ZNF804A: variants seen among roughly 807,000 people sequenced by gnomAD.
The protein encoded by ZNF804A is zinc finger protein 804A.
ZNF804A carries 2 observed loss-of-function variants against 16.5 expected under a neutral mutation model. That is an observed-to-expected ratio of 0.12 (90% CI 0.05 to 0.38). The LOEUF is 0.38. Ranked by LOEUF, ZNF804A falls within the 10% of genes least tolerant of loss-of-function variation. ZNF804A has a pLI of 0.99. For missense variants in ZNF804A, 1,473 were observed against 1,390.7 expected (o/e 1.06, Z -0.94); for synonymous variants, 534 against 489.6 (o/e 1.09, Z -1.20).
chr2:184,803,338 A>G (rs1694753568), intron 1 of ZNF804A, among the ~76,000 whole-genome samples: 1 of 152,116 alleles, frequency 6.6e-6, no homozygotes, highest in Non-Finnish European at 1.5e-5. Context: ...TATAATTGCA[A>G]CACCCATCAT....
chr2:184,933,234 C>T (rs888342847), intron 2 of ZNF804A, among the ~76,000 whole-genome samples: 1 of 151,776 alleles, frequency 6.6e-6, no homozygotes, highest in Non-Finnish European at 1.5e-5. Context: ...TTATATATAA[C>T]AGAAATACAT....
intron 2 of ZNF804A, among the ~76,000 whole-genome samples, chr2:184,883,601 C>T (rs1050585341): frequency 2.0e-5 from 3 of 151,974 alleles, no homozygotes; most frequent in Non-Finnish European, 4.4e-5. Context: ...GCTAATCCAC[C>T]ACAATCAATT....
intron 1 of ZNF804A, among the ~76,000 whole-genome samples, chr2:184,672,890 C>A (rs180820997): frequency 6.6e-6 from 1 of 151,944 alleles, no homozygotes; most frequent in Admixed American, 6.6e-5. Flanking sequence ...TACAGGCATC[C>A]GCCACCACGC....
intron 1 of ZNF804A, among the ~76,000 whole-genome samples, chr2:184,799,075 G>A (rs1268237893): frequency 6.6e-6 from 1 of 152,070 alleles, no homozygotes; most frequent in Non-Finnish European, 1.5e-5. Context: ...GATATGAATC[G>A]TCTGTAGGTC....
intron 1 of ZNF804A, among the ~76,000 whole-genome samples, chr2:184,846,646 G>A (rs1310644973): frequency 6.6e-6 from 1 of 152,004 alleles, no homozygotes; most frequent in Non-Finnish European, 1.5e-5. Context: ...AGACTGCAGG[G>A]TGATGTTAAG....
At chr2:184,723,232 G>T (rs1366238055) in intron 1 of ZNF804A, among the ~76,000 whole-genome samples, 1 of 151,748 alleles carries the variant, frequency 6.6e-6, no homozygotes, top group African/African-American at 2.4e-5. Flanking sequence ...TTCAAGTAGA[G>T]AAAGGTTTAT....
chr2:184,937,995 A>G lies in ZNF804A; in HGVS notation c.2599A>G (p.Arg867Gly). 1 of 1,614,130 alleles carries G rather than the reference A, an allele frequency of 6.2e-7. No homozygotes were observed. Among genetic ancestry groups the G allele is most frequent in the Non-Finnish European group, 8.5e-7 (1 of 1,180,024 alleles). Residue 867 changes from arginine to glycine, a missense_variant, in exon 4 of 4, where the codon AGG becomes GGG. Transcript: ENST00000302277. ...MKPQEVAKIE[R>G]NSEQTNQLRN... ...ACCACAAGAAGTTGCAAAAATCGAA[A>G]GGAACTCAGAACAAACAAACCAATT...
At chr2:184,655,551 A>T (rs745968288) in intron 1 of ZNF804A, among the ~76,000 whole-genome samples, 7 of 152,276 alleles carry the variant, frequency 4.6e-5, no homozygotes, top group Non-Finnish European at 7.4e-5. Flanking sequence ...TAGATTATAA[A>T]ATTGGTCCTT....
At chr2:184,789,840 C>CT (rs1053902997) in intron 1 of ZNF804A, among the ~76,000 whole-genome samples, 8 of 151,666 alleles carry the variant, frequency 5.3e-5, no homozygotes, top group Admixed American at 3.9e-4. Flanking sequence ...CTGCTCTGAC[C>CT]TTTTTTTATT....
intron 1 of ZNF804A, among the ~76,000 whole-genome samples, chr2:184,670,882 C>G (rs1692330271): frequency 6.6e-6 from 1 of 152,066 alleles, no homozygotes; most frequent in Admixed American, 6.6e-5. Context: ...TTTGCCCTCT[C>G]TCTTCCCAGC....
At chr2:184,600,029 G>T (rs1015087625) in intron 1 of ZNF804A, among the ~76,000 whole-genome samples, 1 of 152,174 alleles carries the variant, frequency 6.6e-6, no homozygotes, top group East Asian at 1.9e-4. Context: ...GTGGCAATAT[G>T]AAAATGTATG....
At chr2:184,923,458 G>GT (rs1281534249) in intron 2 of ZNF804A, among the ~76,000 whole-genome samples, 2 of 151,506 alleles carry the variant, frequency 1.3e-5, no homozygotes, top group African/African-American at 4.9e-5. Flanking sequence ...GGCATCTTTA[G>GT]TTTTTTCCAG....
intron 1 of ZNF804A, among the ~76,000 whole-genome samples, chr2:184,679,549 C>T (rs1692502772): frequency 6.6e-6 from 1 of 152,198 alleles, no homozygotes; most frequent in Admixed American, 6.5e-5. Context: ...AAACCTCTGC[C>T]TCCACAGGCT....
chr2:184,931,307 G>C (rs1376188419), intron 2 of ZNF804A, among the ~76,000 whole-genome samples: 1 of 152,226 alleles, frequency 6.6e-6, no homozygotes, highest in Non-Finnish European at 1.5e-5. Context: ...CACGGCCCTA[G>C]CAGAGGTTCT....
chr2:184,622,533 C>A (rs1052610685), intron 1 of ZNF804A, among the ~76,000 whole-genome samples: 1 of 151,742 alleles, frequency 6.6e-6, no homozygotes, highest in African/African-American at 2.4e-5. Flanking sequence ...AAATTGCCTA[C>A]CACCTTCAAT....
In ZNF804A at chr2:184,879,228, T is replaced by C. The variant is rs1684767808; in HGVS notation, c.255+12716T>C. Among the ~76,000 whole-genome samples the C allele has an allele frequency of 1.3e-5, 2 of 152,036 alleles. 1 individual carries two copies. The highest frequency in any genetic ancestry group is 4.1e-4 in the South Asian group (2 of 4,832). Reference sequence around the variant, plus strand: ...TATTTGCAATCTTGGTAATTTGAGGTTGAAAATACTATAAATAATTGATAT... The same window carrying C: ...TATTTGCAATCTTGGTAATTTGAGGCTGAAAATACTATAAATAATTGATAT... On this transcript the variant is annotated intron_variant, in intron 2 of 3. Coordinates refer to ENST00000302277, the MANE Select transcript of ZNF804A (RefSeq NM_194250.2).
At chr2:184,838,137 G>T (rs1047508304) in intron 1 of ZNF804A, among the ~76,000 whole-genome samples, 5 of 152,032 alleles carry the variant, frequency 3.3e-5, no homozygotes, top group African/African-American at 9.7e-5. Context: ...TTAAGACAGA[G>T]AATTTTTTTT....
At chr2:184,903,069 C>G (rs2105828097) in intron 2 of ZNF804A, among the ~76,000 whole-genome samples, 1 of 152,260 alleles carries the variant, frequency 6.6e-6, no homozygotes, top group Middle Eastern at 3.4e-3. Flanking sequence ...TCCACAGCTG[C>G]AGCTTTGTCT....
chr2:184,861,523 G>A (rs1314083425), intron 1 of ZNF804A, among the ~76,000 whole-genome samples: 2 of 152,094 alleles, frequency 1.3e-5, no homozygotes, highest in Non-Finnish European at 2.9e-5. Context: ...CTAATGTCAT[G>A]TATTTGTTAT....
Sources: gnomAD v4.1 joint callset for allele counts (sites outside exome capture counted in the v4.1 genomes callset) on GRCh38, gnomAD v4.1.1 for gene constraint, MANE v1.5 for transcripts, NCBI Gene and HGNC (gene_info 2026-07-23, HGNC 2026-07-21) for gene names.